STX12: variants seen among roughly 807,000 people sequenced by gnomAD.
STX12 encodes syntaxin 12, also known as syntaxin-12.
Under a neutral mutation model 42.2 loss-of-function variants are expected in STX12, and 17 were observed. The ratio of observed to expected loss-of-function variants is 0.40; its 90% confidence interval spans 0.28 to 0.60. The LOEUF (loss-of-function observed/expected upper bound fraction) is 0.60, where lower values mean the gene tolerates loss of function less well. STX12 is among the 20% of genes least tolerant of loss of function. The pLI is 0.39. For missense variants in STX12, 297 were observed against 330.9 expected, an observed-to-expected ratio of 0.90 and a Z score of 0.79; for synonymous variants, 108 against 116.7, an observed-to-expected ratio of 0.93 and a Z score of 0.48.
chr1:27,780,971 G>C (rs570964280), intron 1 of STX12, among the ~76,000 whole-genome samples: 2 of 152,074 alleles, frequency 1.3e-5, no homozygotes, highest in South Asian at 4.1e-4. Flanking sequence ...AAAAAAAAAG[G>C]GGGGATGTTT....
chr1:27,791,115 G>T (rs1035922516), intron 2 of STX12, among the ~76,000 whole-genome samples: 35 of 151,960 alleles, frequency 2.3e-4, no homozygotes, highest in African/African-American at 8.0e-4. Context: ...ACAAAAATTA[G>T]CTGGGCATGG....
chr1:27,815,061 AT>A (rs2088931673), intron 6 of STX12, among the ~76,000 whole-genome samples: 1 of 152,218 alleles, frequency 6.6e-6, no homozygotes, highest in East Asian at 1.9e-4. Context: ...TAAAATAGTA[AT>A]GTAGTATAAA....
chr1:27,776,124 G>A (rs764968405), intron 1 of STX12, among the ~76,000 whole-genome samples: 1 of 152,146 alleles, frequency 6.6e-6, no homozygotes, highest in African/African-American at 2.4e-5. Flanking sequence ...GATAGAATTG[G>A]TAAGATTTAG....
chr1:27,812,145 G>C lies in STX12; in HGVS notation c.471-18G>C. The C allele has an allele frequency of 6.5e-7, 1 of 1,547,720 alleles. No individual in the cohort carries two copies. Among genetic ancestry groups the C allele is most frequent in the African/African-American group, 1.4e-5 (1 of 73,120 alleles). ...CCTTTGAGAGGAGAAATCACCTAGT[G>C]TGCCTGTTTCCCTGCAGCCATGAGG... On this transcript the variant is annotated intron_variant, in intron 5 of 8. Transcript: ENST00000373943.
chr1:27,797,566 C>G (rs1276525890), intron 3 of STX12, among the ~76,000 whole-genome samples: 2 of 152,160 alleles, frequency 1.3e-5, no homozygotes, highest in African/African-American at 4.8e-5. Context: ...TGTATGCTTT[C>G]TCCTTAGGAG....
At chr1:27,805,854 C>G (rs1260479093) in intron 4 of STX12, among the ~76,000 whole-genome samples, 1 of 152,168 alleles carries the variant, frequency 6.6e-6, no homozygotes, top group Non-Finnish European at 1.5e-5. Flanking sequence ...TGTTGATACT[C>G]TTCTTTGATA....
At chr1:27,800,700 G>T (rs2088822384) in intron 3 of STX12, among the ~76,000 whole-genome samples, 1 of 151,910 alleles carries the variant, frequency 6.6e-6, no homozygotes, top group Non-Finnish European at 1.5e-5. Context: ...TTTATTTTTT[G>T]TAGAGATAGG....
chr1:27,812,690 A>G (rs2142625), intron 6 of STX12, among the ~76,000 whole-genome samples: 6,529 of 152,036 alleles, frequency 0.043, 305 homozygotes, highest in East Asian at 0.25. Context: ...ATCCACCCTC[A>G]TCGGCCTCCC....
intron 2 of STX12, among the ~76,000 whole-genome samples, chr1:27,790,336 G>C (rs2088731157): frequency 6.6e-6 from 1 of 152,186 alleles, no homozygotes; most frequent in Admixed American, 6.5e-5. Context: ...AGCTTCCACA[G>C]CGTGGAAGAG....
At chr1:27,789,920 T>G (rs1557800204) in intron 2 of STX12, among the ~76,000 whole-genome samples, 1 of 152,202 alleles carries the variant, frequency 6.6e-6, no homozygotes, top group African/African-American at 2.4e-5. Flanking sequence ...TAAACTATAT[T>G]CTGCTCACAA....
intron 4 of STX12, among the ~76,000 whole-genome samples, chr1:27,803,800 A>T (rs939168755): frequency 6.6e-6 from 1 of 152,040 alleles, no homozygotes; most frequent in African/African-American, 2.4e-5. Context: ...TCAGGAGTTC[A>T]AGACCAGCCT....
intron 4 of STX12, among the ~76,000 whole-genome samples, chr1:27,803,818 A>G (rs2088841603): frequency 6.6e-6 from 1 of 152,196 alleles, no homozygotes; most frequent in South Asian, 2.1e-4. Flanking sequence ...CCTGGCCAAC[A>G]TGGTGAAACC....
intron 1 of STX12, among the ~76,000 whole-genome samples, chr1:27,785,211 CAT>C (rs1304011427): frequency 6.6e-6 from 1 of 152,146 alleles, no homozygotes; most frequent in Non-Finnish European, 1.5e-5. Context: ...TCTACGTTTA[CAT>C]GTTATCATAT....
At chr1:27,789,428 C>T (rs2088722565) in intron 1 of STX12, 134 bp from the exon 2 acceptor site, 1 of 531,752 alleles carries the variant, frequency 1.9e-6, no homozygotes, top group South Asian at 2.6e-5. Context: ...AGGTTTTGAT[C>T]ATAGCATGGT....
chr1:27,800,302 G>A (rs1571525702), intron 3 of STX12, among the ~76,000 whole-genome samples: 1 of 152,030 alleles, frequency 6.6e-6, no homozygotes, highest in South Asian at 2.1e-4. Flanking sequence ...TTTCTTGGCC[G>A]CTTGAGTTCT....
At chr1:27,815,485 T>C (rs946872003) in intron 6 of STX12, among the ~76,000 whole-genome samples, 1 of 152,238 alleles carries the variant, frequency 6.6e-6, no homozygotes, top group African/African-American at 2.4e-5. Context: ...AACTCATGTC[T>C]TACCTCTTCT....
At chr1:27,778,575 T>C (rs766929387) in intron 1 of STX12, among the ~76,000 whole-genome samples, 7 of 151,834 alleles carry the variant, frequency 4.6e-5, no homozygotes, top group Non-Finnish European at 8.8e-5. Context: ...ACTGTAGTCC[T>C]AGCTGCTCGG....
At chr1:27,782,654 A>G (rs1418108856) in intron 1 of STX12, among the ~76,000 whole-genome samples, 1 of 152,108 alleles carries the variant, frequency 6.6e-6, no homozygotes, top group Non-Finnish European at 1.5e-5. Context: ...CCTCGCTAAC[A>G]TGGTGAAACC....
At chr1:27,788,602 C>A (rs914795952) in intron 1 of STX12, among the ~76,000 whole-genome samples, 7 of 152,124 alleles carry the variant, frequency 4.6e-5, no homozygotes, top group African/African-American at 1.7e-4. Flanking sequence ...AAGAACATAG[C>A]CATTGGAATC....
Sources: allele counts gnomAD v4.1 joint callset (sites outside exome capture counted in the v4.1 genomes callset), GRCh38; gene constraint gnomAD v4.1.1; transcripts MANE v1.5; gene names NCBI Gene and HGNC (gene_info 2026-07-23, HGNC 2026-07-21).